Variants in PWWP3B observed in about 807,000 individuals in gnomAD.
PWWP3B encodes the protein PWWP domain-containing DNA repair factor 3B.
In PWWP3B, 5 loss-of-function variants were observed where a neutral mutation model predicts 15.7. That is an observed-to-expected ratio of 0.32 (90% CI 0.17 to 0.67). The LOEUF (loss-of-function observed/expected upper bound fraction) is 0.67. Among genes scored for constraint, PWWP3B ranks in the 30% least tolerant of loss-of-function variants. The pLI, the probability that PWWP3B is intolerant of heterozygous loss-of-function variation, is 0.74. For missense variants in PWWP3B, 519 were observed against 493.1 expected, an observed-to-expected ratio of 1.05 and a Z score of -0.50; for synonymous variants, 203 against 179.8, an observed-to-expected ratio of 1.13 and a Z score of -1.03.
intron 2 of PWWP3B, among the ~76,000 whole-genome samples, chrX:106,173,664 G>C (rs1344212988): frequency 1.8e-5 from 2 of 112,109 alleles, no homozygotes; most frequent in Non-Finnish European, 3.8e-5. Context: ...CAGATAAATA[G>C]AATGAGGCTT....
Position 106,207,602 on chromosome X carries a change from T to TA in PWWP3B, c.*80dup. ...AAAGTCTCTGAACAATTCTCTCTAA[T>TA]ACATATTTTCTGCAAATGGGAGCAT... is the stretch of plus-strand genomic sequence containing the variant. On this transcript the variant is annotated 3_prime_UTR_variant, in exon 4 of 4. Coordinates refer to ENST00000357175, the MANE Select transcript of PWWP3B (RefSeq NM_001171020.2). 5.1e-6 allele frequency: 5 copies of TA among 987,604 alleles called. No individual in the cohort carries two copies. Among genetic ancestry groups the TA allele is most frequent in the Middle Eastern group, 4.0e-4 (1 of 2,524 alleles). 81.4% of individuals were successfully genotyped at this position (987,604 alleles called of 1,213,427 possible). A position where few individuals can be genotyped will look rare whatever the true frequency, so the allele number is the denominator to read the frequency against.
At chrX:106,172,259 A>G (rs748851520) in intron 2 of PWWP3B, among the ~76,000 whole-genome samples, 16 of 110,397 alleles carry the variant, frequency 1.4e-4, no homozygotes, top group African/African-American at 4.9e-4. Context: ...TTTATAAAAA[A>G]AAATATTTTT....
chrX:106,176,535 A>C (rs1007394187), intron 2 of PWWP3B, among the ~76,000 whole-genome samples: 6 of 111,850 alleles, frequency 5.4e-5, no homozygotes, highest in African/African-American at 2.0e-4. Context: ...GAACATTGTG[A>C]ATTGTCTATT....
rs1457882013 is a variant in PWWP3B at position 106,191,715 on chromosome X, A to G, written c.-400-12270A>G. On this transcript the variant is annotated intron_variant, in intron 2 of 3. Transcript: ENST00000357175. ...CTCTTATTATTTTGAGATACGTCCC[A>G]TCAGTACCTAATTTATTGAGAGTTT... Among the ~76,000 whole-genome samples, 12 of 111,384 alleles carry G rather than the reference A, an allele frequency of 1.1e-4. No individual in the cohort carries two copies. The Admixed American group carries it at 1.1e-3, about 11-fold the overall frequency.
chrX:106,193,870 C>A (rs1923181229), intron 2 of PWWP3B, among the ~76,000 whole-genome samples: 1 of 112,248 alleles, frequency 8.9e-6, no homozygotes, highest in Admixed American at 9.4e-5. Flanking sequence ...TATTCGCCCC[C>A]ACTCTCTTCT....
chrX:106,186,299 G>A lies in PWWP3B; in HGVS notation c.-401+15160G>A, dbSNP rs778603311. ...TCTCTGTTGACCTTTGGCTGAGCCCGGAAGTACAGGAAAAGCAGAAGCTTG... is the reference window on the plus strand; with the variant it reads ...TCTCTGTTGACCTTTGGCTGAGCCCAGAAGTACAGGAAAAGCAGAAGCTTG... On this transcript the variant is annotated intron_variant, in intron 2 of 3. Transcript: ENST00000357175. 3.1e-3 allele frequency among the ~76,000 whole-genome samples: 340 copies of A among 110,801 alleles called. 3 individuals are homozygous for A. The highest frequency in any genetic ancestry group is 0.01 in the African/African-American group (316 of 30,395).
At chrX:106,189,703 T>C (rs185595502) in intron 2 of PWWP3B, among the ~76,000 whole-genome samples, 2,434 of 102,900 alleles carry the variant, frequency 0.024, 82 homozygotes, top group African/African-American at 0.083. Context: ...CTGCAAGCTC[T>C]GCCTCCCGGG....
chrX:106,194,260 A>G (rs1157297802), intron 2 of PWWP3B, among the ~76,000 whole-genome samples: 1 of 110,427 alleles, frequency 9.1e-6, no homozygotes, highest in African/African-American at 3.3e-5. Context: ...TTTTTTCTCT[A>G]AATTTCTGTT....
At chrX:106,177,794 T>C (rs1017294224) in intron 2 of PWWP3B, among the ~76,000 whole-genome samples, 1 of 112,168 alleles carries the variant, frequency 8.9e-6, no homozygotes, top group Non-Finnish European at 1.9e-5. Context: ...GATTCAGATA[T>C]GCCGTCGAGT....
chrX:106,206,171 A>G lies in PWWP3B; in HGVS notation c.739A>G (p.Met247Val), dbSNP rs781780739. Residue 247 changes from methionine (M) to valine (V), a missense_variant, in exon 4 of 4, where the codon ATG (methionine) becomes GTG (valine). Transcript: ENST00000357175. Reference sequence around the variant, plus strand: ...ACCTTTGTCACCTTTGTCATCAGATATGCTCATTATGCCCAAAGCTTTGAA... The same window carrying G: ...ACCTTTGTCACCTTTGTCATCAGATGTGCTCATTATGCCCAAAGCTTTGAA... ...APPLSPLSSD[M>V]LIMPKALKEE... The G allele has an allele frequency of 3.1e-5, 37 of 1,206,942 alleles. No homozygotes were observed. The highest frequency in any genetic ancestry group is 2.3e-4 in the Middle Eastern group (1 of 4,344).
At chrX:106,189,346 C>T (rs1195063681) in intron 2 of PWWP3B, among the ~76,000 whole-genome samples, 2 of 110,560 alleles carry the variant, frequency 1.8e-5, no homozygotes, top group Non-Finnish European at 3.8e-5. Flanking sequence ...CGTCATTTAG[C>T]ATTAGGTATA....
chrX:106,194,274 G>A (rs867594735), intron 2 of PWWP3B, among the ~76,000 whole-genome samples: 8 of 110,545 alleles, frequency 7.2e-5, no homozygotes, highest in Admixed American at 2.9e-4. Context: ...TTCTGTTCTC[G>A]CTTCATTTCA....
chrX:106,206,434 G>A lies in PWWP3B; in HGVS notation c.1002G>A (p.Met334Ile). The part of the protein sequence containing the change: ...SNPVWDYSHL[M>I]SSERNFQRLD... The stretch of plus-strand genomic sequence containing the variant: ...CTGTCTGGGATTATTCACATCTTAT[G>A]AGTAGTGAAAGAAATTTTCAGAGAC... The change falls in exon 4 of 4, where the codon ATG becomes ATA. Residue 334 changes from methionine to isoleucine, a missense_variant. Coordinates refer to ENST00000357175, the MANE Select transcript of PWWP3B (RefSeq NM_001171020.2). 1.7e-6 allele frequency: 2 copies of A among 1,209,927 alleles called. No individual in the cohort carries two copies. Among genetic ancestry groups the A allele is most frequent in the Admixed American group, 2.2e-5 (1 of 45,812 alleles).
chrX:106,181,601 T>G (rs1192705815), intron 2 of PWWP3B, among the ~76,000 whole-genome samples: 1 of 111,859 alleles, frequency 8.9e-6, no homozygotes, highest in Non-Finnish European at 1.9e-5. Flanking sequence ...CCAGCTGGCT[T>G]CACCTCTCAA....
intron 2 of PWWP3B, among the ~76,000 whole-genome samples, chrX:106,190,662 G>A (rs1922873235): frequency 8.9e-6 from 1 of 111,856 alleles, no homozygotes; most frequent in Non-Finnish European, 1.9e-5. Context: ...TTCTTCTAGG[G>A]TTTTTATGGT....
chrX:106,193,787 C>G (rs1047701918), intron 2 of PWWP3B, among the ~76,000 whole-genome samples: 3 of 111,768 alleles, frequency 2.7e-5, no homozygotes, highest in African/African-American at 6.5e-5. Context: ...TTTATTTCTA[C>G]TTCACTTGTG....
chrX:106,181,179 G>C (rs1486811774), intron 2 of PWWP3B, among the ~76,000 whole-genome samples: 1 of 111,899 alleles, frequency 8.9e-6, no homozygotes, highest in African/African-American at 3.3e-5. Context: ...GAGTGTTACA[G>C]CTCTTAAAGG....
intron 2 of PWWP3B, among the ~76,000 whole-genome samples, chrX:106,188,182 T>G (rs770232469): frequency 2.7e-5 from 3 of 112,087 alleles, no homozygotes; most frequent in Non-Finnish European, 1.9e-5. Context: ...AAAGAGATAA[T>G]TAATGAAGAC....
chrX:106,171,089 G>C lies in PWWP3B; in HGVS notation c.-451G>C, dbSNP rs1921588928. 9.0e-6 allele frequency: 1 copy of C among 111,581 alleles called. No homozygotes were observed. The highest frequency in any genetic ancestry group is 9.6e-5 in the Admixed American group (1 of 10,454). The allele number at this position is 111,581 out of a possible 1,213,427, so 9.2% of individuals were successfully genotyped here. ...CCTGCTGGACAAGCAGCTGGAGTGA[G>C]AATCAAGACAGCTGGACCACAGGAC... On this transcript the variant is annotated 5_prime_UTR_variant, in exon 2 of 4. Coordinates refer to ENST00000357175, the MANE Select transcript of PWWP3B (RefSeq NM_001171020.2).
Sources: gnomAD v4.1 joint callset for allele counts (sites outside exome capture counted in the v4.1 genomes callset) on GRCh38, gnomAD v4.1.1 for gene constraint, MANE v1.5 for transcripts, NCBI Gene and HGNC (gene_info 2026-07-23, HGNC 2026-07-21) for gene names.